The following RAPGEF4 variants were observed in gnomAD, a reference collection of about 807,000 sequenced individuals.
RAPGEF4 encodes Rap guanine nucleotide exchange factor 4, also known as RAP guanine-nucleotide-exchange factor (GEF) 4.
In RAPGEF4, 66 loss-of-function variants were observed where a neutral mutation model predicts 147.9. The observed-to-expected ratio is 0.45, with a 90% CI of 0.37 to 0.55. The LOEUF (loss-of-function observed/expected upper bound fraction) is 0.55. Among genes scored for constraint, RAPGEF4 ranks in the 20% least tolerant of loss-of-function variants. The pLI, the probability that RAPGEF4 is intolerant of heterozygous loss-of-function variation, is 0.00. For synonymous variants in RAPGEF4, 419 were observed against 442.7 expected (o/e 0.95, Z 0.67); for missense variants, 1,071 against 1,257.3 (o/e 0.85, Z 2.24).
chr2:172,897,563 T>G (rs1429139875), intron 4 of RAPGEF4, among the ~76,000 whole-genome samples: 3 of 151,502 alleles, frequency 2.0e-5, no homozygotes, highest in African/African-American at 7.3e-5. Flanking sequence ...CATACCTGAC[T>G]AATTTTTTAA....
chr2:172,847,890 A>G (rs1025290871), intron 4 of RAPGEF4, among the ~76,000 whole-genome samples: 1 of 152,132 alleles, frequency 6.6e-6, no homozygotes, highest in Non-Finnish European at 1.5e-5. Context: ...TTTCATGGTT[A>G]TTGATTGGGG....
At chr2:172,926,679 C>G (rs1458875508) in intron 6 of RAPGEF4, among the ~76,000 whole-genome samples, 1 of 152,138 alleles carries the variant, frequency 6.6e-6, no homozygotes, top group Non-Finnish European at 1.5e-5. Flanking sequence ...TCAAGTGACT[C>G]TCCTGCCTTA....
chr2:172,853,384 G>C (rs1338613277), intron 4 of RAPGEF4, among the ~76,000 whole-genome samples: 2 of 151,926 alleles, frequency 1.3e-5, no homozygotes, highest in Non-Finnish European at 1.5e-5. Flanking sequence ...GAAGGAATTT[G>C]TCTGTTTTAT....
In RAPGEF4 at chr2:172,805,924, G is replaced by C. The variant is rs540775066; in HGVS notation, c.297+8311G>C. ...ATATTTTAATCGATTTAGGGTTAGA[G>C]ATGAACATTGGGACAAGTTATAAGC... On this transcript the variant is annotated intron_variant, in intron 3 of 30. Coordinates refer to ENST00000397081, the MANE Select transcript of RAPGEF4 (RefSeq NM_007023.4). 5.9e-5 allele frequency among the ~76,000 whole-genome samples: 9 copies of C among 152,206 alleles called. No homozygotes were observed. In the East Asian group the frequency reaches 1.7e-3, roughly 29 times the overall value.
intron 10 of RAPGEF4, among the ~76,000 whole-genome samples, chr2:172,969,422 T>C (rs778527246): frequency 6.6e-6 from 1 of 152,240 alleles, no homozygotes; most frequent in Non-Finnish European, 1.5e-5. Flanking sequence ...CACAGCCTAA[T>C]GTGGAGGAGG....
intron 6 of RAPGEF4, among the ~76,000 whole-genome samples, chr2:172,955,246 A>G (rs1411698531): frequency 1.3e-5 from 2 of 152,182 alleles, no homozygotes; most frequent in Non-Finnish European, 2.9e-5. Flanking sequence ...GTTATTGTGC[A>G]TCTTGTAATG....
intron 29 of RAPGEF4, among the ~76,000 whole-genome samples, chr2:173,044,246 A>G (rs1383107027): frequency 8.5e-6 from 1 of 117,546 alleles, no homozygotes; most frequent in East Asian, 2.9e-4. Flanking sequence ...TTGCCGTGGC[A>G]TTTGTAAACT....
At chr2:173,038,196 A>G (rs1684295330) in intron 29 of RAPGEF4, among the ~76,000 whole-genome samples, 1 of 152,238 alleles carries the variant, frequency 6.6e-6, no homozygotes, top group Non-Finnish European at 1.5e-5. Flanking sequence ...TGTCAATTTA[A>G]TAATTGTTTG....
chr2:172,904,078 A>T (rs1387573170), intron 4 of RAPGEF4, among the ~76,000 whole-genome samples: 1 of 152,218 alleles, frequency 6.6e-6, no homozygotes, highest in Non-Finnish European at 1.5e-5. Flanking sequence ...TTTTTAAATG[A>T]TCAGTGCATC....
chr2:173,014,322 T>A lies in RAPGEF4; in HGVS notation c.1659-142T>A, dbSNP rs1019515225. On this transcript the variant is annotated intron_variant, in intron 17 of 30. Coordinates refer to ENST00000397081, the MANE Select transcript of RAPGEF4 (RefSeq NM_007023.4). ...TTCGGCACAGACACTTTCTGTGGGGTTTTTCATGAGGGCCTAGGGGAGGAA... is the reference window on the plus strand; with the variant it reads ...TTCGGCACAGACACTTTCTGTGGGGATTTTCATGAGGGCCTAGGGGAGGAA... 23 of 1,004,988 alleles carry A rather than the reference T, an allele frequency of 2.3e-5. No individual in the cohort carries two copies. In the African/African-American group the frequency reaches 3.6e-4, roughly 16 times the overall value. The allele number at this position is 1,004,988 out of a possible 1,614,324, so 62.3% of individuals were successfully genotyped here. A position where few individuals can be genotyped will look rare whatever the true frequency, so the allele number is the denominator to read the frequency against.
At chr2:172,984,046 G>A (rs1691974899) in intron 11 of RAPGEF4, among the ~76,000 whole-genome samples, 2 of 152,196 alleles carry the variant, frequency 1.3e-5, no homozygotes, top group Admixed American at 1.3e-4. Context: ...GAGAGCATCA[G>A]CTCAGATGTA....
At position 172,850,690 on chromosome 2, in the gene RAPGEF4, C is replaced by T. The variant is rs1692712648; in HGVS notation, c.444+36265C>T. 3.3e-5 allele frequency among the ~76,000 whole-genome samples: 5 copies of T among 151,932 alleles called. No individual in the cohort carries two copies. The South Asian group carries it at 1.0e-3, about 32-fold the overall frequency. On this transcript the variant is annotated intron_variant, in intron 4 of 30. Coordinates refer to ENST00000397081, the MANE Select transcript of RAPGEF4 (RefSeq NM_007023.4). ...ATATAAAGTAAAGAAAAATTTTCTC[C>T]ACTCCCACTAGCCAGAACTATCTAC...
At chr2:172,989,390 A>G (rs1177316115) in intron 14 of RAPGEF4, among the ~76,000 whole-genome samples, 1 of 146,400 alleles carries the variant, frequency 6.8e-6, no homozygotes, top group Admixed American at 6.9e-5. Context: ...TTCATTTTCA[A>G]GGGCTTTATC....
chr2:173,005,159 G>A (rs1224382984), intron 17 of RAPGEF4, among the ~76,000 whole-genome samples: 2 of 151,692 alleles, frequency 1.3e-5, no homozygotes, highest in Non-Finnish European at 2.9e-5. Context: ...GAGTGAATCA[G>A]CATCCTTCCA....
At chr2:172,897,873 A>C (rs1216149570) in intron 4 of RAPGEF4, among the ~76,000 whole-genome samples, 1 of 26,650 alleles carries the variant, frequency 3.8e-5, no homozygotes, top group Admixed American at 7.3e-4. Context: ...TACTCATCAC[A>C]TGTACTGTAC....
intron 4 of RAPGEF4, among the ~76,000 whole-genome samples, chr2:172,874,824 C>G (rs1485103809): frequency 6.6e-6 from 1 of 152,244 alleles, no homozygotes; most frequent in African/African-American, 2.4e-5. Context: ...AATCACCACA[C>G]TGTCTTCCAC....
At chr2:172,762,199 C>G (rs1281133555) in intron 1 of RAPGEF4, among the ~76,000 whole-genome samples, 1 of 152,202 alleles carries the variant, frequency 6.6e-6, no homozygotes, top group Non-Finnish European at 1.5e-5. Context: ...CAATAATATT[C>G]TTAAATTACC....
chr2:172,913,404 G>A (rs1270495550), intron 4 of RAPGEF4, among the ~76,000 whole-genome samples: 2 of 152,208 alleles, frequency 1.3e-5, no homozygotes, highest in African/African-American at 4.8e-5. Flanking sequence ...AGATTTCTGT[G>A]GGTCACAAAT....
intron 4 of RAPGEF4, among the ~76,000 whole-genome samples, chr2:172,907,115 C>T (rs982715441): frequency 3.9e-5 from 6 of 152,252 alleles, no homozygotes; most frequent in Non-Finnish European, 7.3e-5. Flanking sequence ...CAGAATTCCT[C>T]AGTGCTCTTG....
Sources: gnomAD v4.1 joint callset for allele counts (sites outside exome capture counted in the v4.1 genomes callset) on GRCh38, gnomAD v4.1.1 for gene constraint, MANE v1.5 for transcripts, NCBI Gene and HGNC (gene_info 2026-07-23, HGNC 2026-07-21) for gene names.